The following FANCL variants were observed in gnomAD, a reference collection of about 807,000 sequenced individuals.
FANCL encodes E3 ubiquitin-protein ligase FANCL.
In FANCL, 69 loss-of-function variants were observed where a neutral mutation model predicts 59.4. The observed-to-expected ratio is 1.16, with a 90% CI of 0.96 to 1.42. The LOEUF (loss-of-function observed/expected upper bound fraction) is 1.42, where lower values mean the gene tolerates loss of function less well. Among genes scored for constraint, FANCL ranks in the 40% most tolerant of loss-of-function variants. The pLI is 0.00. For synonymous variants in FANCL, 180 were observed against 147.1 expected, an observed-to-expected ratio of 1.22 and a Z score of -1.62; for missense variants, 519 against 447.2, an observed-to-expected ratio of 1.16 and a Z score of -1.45.
At chr2:58,201,433 C>A (rs1448492028) in intron 6 of FANCL, among the ~76,000 whole-genome samples, 1 of 151,706 alleles carries the variant, frequency 6.6e-6, no homozygotes, top group African/African-American at 2.4e-5. Flanking sequence ...ATTTTTTAGA[C>A]TCTATAATAT....
At chr2:58,222,134 T>A in intron 4 of FANCL, 92 bp from the exon 5 acceptor site, 1 of 854,644 alleles carries the variant, frequency 1.2e-6, no homozygotes, top group Non-Finnish European at 1.9e-6. Flanking sequence ...ATTATCTTCT[T>A]AGTGCCTAAT....
At chr2:58,231,008 T>C (rs1693530436) in intron 2 of FANCL, among the ~76,000 whole-genome samples, 2 of 152,220 alleles carry the variant, frequency 1.3e-5, no homozygotes, top group Admixed American at 6.5e-5. Flanking sequence ...CAAAACTTAC[T>C]TGCATCTAAC....
chr2:58,238,540 G>A (rs1166595611), intron 1 of FANCL, among the ~76,000 whole-genome samples: 1 of 152,090 alleles, frequency 6.6e-6, no homozygotes, highest in Admixed American at 6.6e-5. Context: ...AAACCTAGAT[G>A]AAACTAACAA....
chr2:58,202,603 G>A (rs1448359641), intron 6 of FANCL, among the ~76,000 whole-genome samples: 1 of 151,156 alleles, frequency 6.6e-6, no homozygotes, highest in Admixed American at 6.6e-5. Flanking sequence ...CTATAAAAGT[G>A]CTTCGTAACT....
At chr2:58,170,514 T>C (rs1381555372) in intron 7 of FANCL, among the ~76,000 whole-genome samples, 1 of 151,950 alleles carries the variant, frequency 6.6e-6, no homozygotes, top group Non-Finnish European at 1.5e-5. Flanking sequence ...AATGACAGGA[T>C]CAAATTTACA....
In FANCL at chr2:58,159,677, C is replaced by CTTTAT. The variant is rs757733149; in HGVS notation, c.*83_*87dup. ...GTCCTTTTGATGTTAGTATTTCTTGCTTTATTTTTTCTCTGAAGATGATAC... is the reference window on the plus strand; with the variant it reads ...GTCCTTTTGATGTTAGTATTTCTTGCTTTATTTTATTTTTTCTCTGAAGATGATAC... On this transcript the variant is annotated 3_prime_UTR_variant, in exon 14 of 14. Coordinates refer to ENST00000233741, the MANE Select transcript of FANCL (RefSeq NM_018062.4). The CTTTAT allele has an allele frequency of 6.2e-7, 1 of 1,612,572 alleles. No individual in the cohort carries two copies. Among genetic ancestry groups the CTTTAT allele is most frequent in the South Asian group, 1.1e-5 (1 of 90,792 alleles).
At chr2:58,198,564 A>C (rs1437157650) in intron 7 of FANCL, 30 bp downstream of exon 7, 2 of 1,590,556 alleles carry the variant, frequency 1.3e-6, no homozygotes, top group South Asian at 2.2e-5. Flanking sequence ...ACTTAAAACA[A>C]ATTTAAGAAT....
intron 5 of FANCL, among the ~76,000 whole-genome samples, chr2:58,217,099 TAC>T (rs1268506675): frequency 3.2e-4 from 43 of 134,576 alleles, no homozygotes; most frequent in East Asian, 1.1e-3. Context: ...TTGAAAAAAA[TAC>T]ACACACACAC....
At chr2:58,200,103 GAA>G (rs777055093) in intron 6 of FANCL, among the ~76,000 whole-genome samples, 5 of 129,332 alleles carry the variant, frequency 3.9e-5, no homozygotes, top group Non-Finnish European at 5.0e-5. Context: ...TCTACTTCTG[GAA>G]AAAAAAAAAA....
At chr2:58,221,835 A>G in intron 5 of FANCL, 107 bp downstream of exon 5, 1 of 762,378 alleles carries the variant, frequency 1.3e-6, no homozygotes. Flanking sequence ...TCTAGTTACA[A>G]TTAAACACTT....
chr2:58,218,982 A>T (rs928682635), intron 5 of FANCL, among the ~76,000 whole-genome samples: 1 of 150,872 alleles, frequency 6.6e-6, no homozygotes, highest in Non-Finnish European at 1.5e-5. Context: ...TAGAAACAAC[A>T]ACACACCAAT....
intron 7 of FANCL, among the ~76,000 whole-genome samples, chr2:58,183,737 T>G (rs1447802751): frequency 6.6e-6 from 1 of 151,954 alleles, no homozygotes; most frequent in Non-Finnish European, 1.5e-5. Flanking sequence ...AAATAAGTGA[T>G]CTGTTACCCA....
At chr2:58,164,684 T>A (rs1286614605) in intron 8 of FANCL, among the ~76,000 whole-genome samples, 2 of 151,970 alleles carry the variant, frequency 1.3e-5, no homozygotes, top group East Asian at 3.8e-4. Context: ...AATCATAACC[T>A]GATAATTACT....
chr2:58,233,332 C>CA (rs1558827062), intron 1 of FANCL, among the ~76,000 whole-genome samples: 1 of 151,944 alleles, frequency 6.6e-6, no homozygotes, highest in Non-Finnish European at 1.5e-5. Flanking sequence ...TTTAAAAGGT[C>CA]AAATAACATG....
At chr2:58,187,899 G>C (rs545203004) in intron 7 of FANCL, among the ~76,000 whole-genome samples, 2 of 152,078 alleles carry the variant, frequency 1.3e-5, no homozygotes, top group African/African-American at 4.8e-5. Flanking sequence ...TCTTAATAGT[G>C]TCTTTCAAGA....
chr2:58,223,413 T>C (rs1299829457), intron 4 of FANCL, among the ~76,000 whole-genome samples: 1 of 151,976 alleles, frequency 6.6e-6, no homozygotes, highest in African/African-American at 2.4e-5. Flanking sequence ...GTTTTTATTC[T>C]GAAATATTAA....
chr2:58,191,973 A>G (rs1419649287), intron 7 of FANCL, among the ~76,000 whole-genome samples: 4 of 151,936 alleles, frequency 2.6e-5, no homozygotes, highest in African/African-American at 4.8e-5. Flanking sequence ...GTAAAGACAG[A>G]GCCAGAATTT....
chr2:58,159,955 T>C, intron 13 of FANCL, 153 bp downstream of exon 13: 1 of 1,524,972 alleles, frequency 6.6e-7, no homozygotes, highest in Non-Finnish European at 8.8e-7. Flanking sequence ...AAAAGGAGTT[T>C]AATGTTTTTG....
chr2:58,190,173 C>T (rs945512959), intron 7 of FANCL, among the ~76,000 whole-genome samples: 2 of 151,920 alleles, frequency 1.3e-5, no homozygotes, highest in African/African-American at 2.4e-5. Flanking sequence ...TGTTATCTGT[C>T]AAGCAATCCG....
Sources: gnomAD v4.1 joint callset for allele counts (sites outside exome capture counted in the v4.1 genomes callset) on GRCh38, gnomAD v4.1.1 for gene constraint, MANE v1.5 for transcripts, NCBI Gene and HGNC (gene_info 2026-07-23, HGNC 2026-07-21) for gene names.